The following C1QTNF7 variants were observed in gnomAD, a reference collection of about 807,000 sequenced individuals.
The protein encoded by C1QTNF7 is C1q and TNF related 7.
C1QTNF7 carries 15 observed loss-of-function variants against 19.6 expected under a neutral mutation model. That is an observed-to-expected ratio of 0.76 (90% CI 0.51 to 1.18). The LOEUF (loss-of-function observed/expected upper bound fraction) is 1.18. Ranked by LOEUF, C1QTNF7 falls within the 50% of genes most tolerant of loss-of-function variation. The pLI, the probability that C1QTNF7 is intolerant of heterozygous loss-of-function variation, is 0.00. For missense variants in C1QTNF7, 324 were observed against 359.7 expected (o/e 0.90, Z 0.80); for synonymous variants, 142 against 137.5 (o/e 1.03, Z -0.23).
intron 1 of C1QTNF7, chr4:15,374,519 C>T: frequency 2.1e-6 from 2 of 970,388 alleles, no homozygotes; most frequent in South Asian, 9.5e-5. Context: ...CTCGATCAAA[C>T]AATCAGGAGA....
At chr4:15,384,051 T>C (rs1254023333) in intron 1 of C1QTNF7, among the ~76,000 whole-genome samples, 2 of 152,182 alleles carry the variant, frequency 1.3e-5, no homozygotes, top group African/African-American at 4.8e-5. Flanking sequence ...CAAGCATGGA[T>C]CCTGACTCAC....
chr4:15,406,282 A>G (rs183380377), intron 1 of C1QTNF7, among the ~76,000 whole-genome samples: 31 of 152,334 alleles, frequency 2.0e-4, no homozygotes, highest in African/African-American at 7.0e-4. Context: ...TGAATGAGTG[A>G]GAGTATAGAC....
chr4:15,398,259 C>T (rs1396767086), intron 1 of C1QTNF7, among the ~76,000 whole-genome samples: 1 of 152,120 alleles, frequency 6.6e-6, no homozygotes, highest in African/African-American at 2.4e-5. Flanking sequence ...ATTTTAAAAG[C>T]ACCTGGGGTT....
intron 1 of C1QTNF7, among the ~76,000 whole-genome samples, chr4:15,387,808 A>G (rs1055044483): frequency 1.3e-5 from 2 of 152,222 alleles, no homozygotes; most frequent in African/African-American, 4.8e-5. Context: ...TTACATATCT[A>G]ATTTTACATA....
chr4:15,372,645 T>C (rs1458861459), intron 1 of C1QTNF7, among the ~76,000 whole-genome samples: 1 of 152,198 alleles, frequency 6.6e-6, no homozygotes, highest in African/African-American at 2.4e-5. Context: ...TGAGTTGGAC[T>C]TGTGACTTGA....
intron 1 of C1QTNF7, among the ~76,000 whole-genome samples, chr4:15,371,418 G>C (rs974295826): frequency 6.6e-6 from 1 of 152,168 alleles, no homozygotes; most frequent in African/African-American, 2.4e-5. Flanking sequence ...GCTTGCCCCT[G>C]TCTAATCCTC....
At chr4:15,405,698 G>T (rs1395462565) in intron 1 of C1QTNF7, among the ~76,000 whole-genome samples, 1 of 152,142 alleles carries the variant, frequency 6.6e-6, no homozygotes, top group East Asian at 1.9e-4. Flanking sequence ...TGAGCAAAGT[G>T]ATCTCTTAAA....
At chr4:15,369,152 G>A (rs1242677616) in intron 1 of C1QTNF7, among the ~76,000 whole-genome samples, 5 of 152,178 alleles carry the variant, frequency 3.3e-5, no homozygotes, top group Admixed American at 2.0e-4. Context: ...TGGTTAGTGA[G>A]TCAGAGGTAA....
chr4:15,343,165 GA>G (rs1237129772), intron 1 of C1QTNF7, among the ~76,000 whole-genome samples: 2 of 152,198 alleles, frequency 1.3e-5, no homozygotes, highest in African/African-American at 4.8e-5. Flanking sequence ...CGACTCCCGT[GA>G]TCGGGTTATT....
intron 1 of C1QTNF7, among the ~76,000 whole-genome samples, chr4:15,389,875 ACCGTCAG>A (rs1718491488): frequency 6.6e-6 from 1 of 152,268 alleles, no homozygotes. Context: ...TGAGGCTCAC[ACCGTCAG>A]CAGGGCAGGT....
chr4:15,386,113 C>T (rs1243169945), intron 1 of C1QTNF7, among the ~76,000 whole-genome samples: 2 of 152,146 alleles, frequency 1.3e-5, no homozygotes, highest in Non-Finnish European at 2.9e-5. Context: ...GAGTGCTGTC[C>T]CTCAGAGAGC....
At chr4:15,391,246 T>C (rs1414629867) in intron 1 of C1QTNF7, among the ~76,000 whole-genome samples, 1 of 151,864 alleles carries the variant, frequency 6.6e-6, no homozygotes, top group African/African-American at 2.4e-5. Flanking sequence ...CCCTAGTAGC[T>C]CAGCAATCCC....
intron 1 of C1QTNF7, among the ~76,000 whole-genome samples, chr4:15,345,481 T>A (rs1459553028): frequency 6.6e-6 from 1 of 152,164 alleles, no homozygotes; most frequent in Non-Finnish European, 1.5e-5. Context: ...ATCAAGGATG[T>A]CTCATTCCCC....
chr4:15,436,002 T>A, intron 2 of C1QTNF7, 21 bp downstream of exon 2: 1 of 1,604,564 alleles, frequency 6.2e-7, no homozygotes, highest in African/African-American at 1.3e-5. Flanking sequence ...AGAAGTTGCA[T>A]AAAACACCCT....
At chr4:15,366,013 C>G (rs1371192431) in intron 1 of C1QTNF7, among the ~76,000 whole-genome samples, 1 of 152,090 alleles carries the variant, frequency 6.6e-6, no homozygotes, top group Non-Finnish European at 1.5e-5. Context: ...GGGTGCCAAG[C>G]AAGCAGAATA....
intron 1 of C1QTNF7, among the ~76,000 whole-genome samples, chr4:15,394,347 T>C (rs1718698532): frequency 6.6e-6 from 1 of 152,218 alleles, no homozygotes; most frequent in South Asian, 2.1e-4. Flanking sequence ...AACCAAAATG[T>C]GCCCAGTAGG....
chr4:15,397,854 T>A (rs1342108315), intron 1 of C1QTNF7, among the ~76,000 whole-genome samples: 1 of 152,104 alleles, frequency 6.6e-6, no homozygotes, highest in Non-Finnish European at 1.5e-5. Context: ...CAAATTAAAA[T>A]CTCTCAGCAG....
intron 1 of C1QTNF7, among the ~76,000 whole-genome samples, chr4:15,349,799 T>A (rs952283908): frequency 6.6e-5 from 10 of 152,298 alleles, no homozygotes; most frequent in African/African-American, 1.9e-4. Flanking sequence ...AAAAATCCAC[T>A]GCTGTATTGT....
At chr4:15,363,072 G>C (rs1250098115) in intron 1 of C1QTNF7, among the ~76,000 whole-genome samples, 5 of 152,064 alleles carry the variant, frequency 3.3e-5, no homozygotes, top group African/African-American at 1.2e-4. Flanking sequence ...AAACTTCATT[G>C]ATAACATGAT....
Sources: gnomAD v4.1 joint callset for allele counts (sites outside exome capture counted in the v4.1 genomes callset) on GRCh38, gnomAD v4.1.1 for gene constraint, MANE v1.5 for transcripts, NCBI Gene and HGNC (gene_info 2026-07-23, HGNC 2026-07-21) for gene names.